The following CRB1 variants were observed in gnomAD, a reference collection of about 807,000 sequenced individuals.
CRB1 encodes crumbs cell polarity complex component 1.
CRB1 carries 83 observed loss-of-function variants against 120.0 expected under a neutral mutation model. That is an observed-to-expected ratio of 0.69 (90% CI 0.58 to 0.83). The LOEUF (loss-of-function observed/expected upper bound fraction) is 0.83, where lower values mean the gene tolerates loss of function less well. Among genes scored for constraint, CRB1 ranks in the 40% least tolerant of loss-of-function variants. The pLI is 0.00. For missense variants in CRB1, 1,699 were observed against 1,687.6 expected, an observed-to-expected ratio of 1.01 and a Z score of -0.12; for synonymous variants, 625 against 612.5, an observed-to-expected ratio of 1.02 and a Z score of -0.30.
chr1:197,403,324 T>A (rs900709657), intron 5 of CRB1, among the ~76,000 whole-genome samples: 2 of 152,238 alleles, frequency 1.3e-5, no homozygotes, highest in African/African-American at 4.8e-5. Flanking sequence ...TAGAGGAGGC[T>A]GACTTCATTC....
chr1:197,254,585 G>T, the CRB1 span, among the ~76,000 whole-genome samples: 4 of 151,988 alleles, frequency 2.6e-5, no homozygotes, highest in African/African-American at 9.7e-5. Flanking sequence ...AAGCAAAAAA[G>T]CTTCAGCTGT....
intron 8 of CRB1, among the ~76,000 whole-genome samples, chr1:197,431,064 T>C (rs1664846816): frequency 6.7e-6 from 1 of 148,692 alleles, no homozygotes; most frequent in Non-Finnish European, 1.5e-5. Context: ...AGACCCTGTC[T>C]CAAAAAAAAA....
intron 1 of CRB1, among the ~76,000 whole-genome samples, chr1:197,273,953 G>C (rs1481829207): frequency 6.6e-6 from 1 of 151,972 alleles, no homozygotes; most frequent in African/African-American, 2.4e-5. Flanking sequence ...TGCTGCTGGG[G>C]TGTCAGGTCT....
intron 4 of CRB1, among the ~76,000 whole-genome samples, chr1:197,350,446 G>A (rs144901716): frequency 2.0e-5 from 3 of 152,314 alleles, no homozygotes; most frequent in Non-Finnish European, 2.9e-5. Context: ...GTAGGAGGGC[G>A]AGAGTTTGTA....
intron 11 of CRB1, chr1:197,444,049 T>C (rs927030796): frequency 6.6e-6 from 1 of 152,222 alleles, no homozygotes; most frequent in Non-Finnish European, 1.5e-5. Flanking sequence ...GAGGACAGTT[T>C]ATCCATTGGA....
the CRB1 span, among the ~76,000 whole-genome samples, chr1:197,208,879 G>C: frequency 6.6e-6 from 1 of 152,148 alleles, no homozygotes; most frequent in South Asian, 2.1e-4. Context: ...TCTGAGCTCA[G>C]ACTCTCCTTG....
At chr1:197,237,925 G>C in the CRB1 span, among the ~76,000 whole-genome samples, 1 of 151,936 alleles carries the variant, frequency 6.6e-6, no homozygotes, top group Non-Finnish European at 1.5e-5. Flanking sequence ...CTAGGTTCTT[G>C]AGACAGTAGC....
the CRB1 span, among the ~76,000 whole-genome samples, chr1:197,229,181 T>C: frequency 6.6e-6 from 1 of 152,168 alleles, no homozygotes; most frequent in African/African-American, 2.4e-5. Context: ...ATAGGTGTTA[T>C]GTGTGCCACC....
At chr1:197,244,375 C>T in the CRB1 span, among the ~76,000 whole-genome samples, 15 of 151,794 alleles carry the variant, frequency 9.9e-5, no homozygotes, top group Admixed American at 9.9e-4. Flanking sequence ...AAATTATCTT[C>T]ATTTTTCCTT....
intron 5 of CRB1, chr1:197,358,268 T>G (rs1660589900): frequency 6.6e-6 from 1 of 152,234 alleles, no homozygotes; most frequent in Non-Finnish European, 1.5e-5. Flanking sequence ...GTATGCATTT[T>G]CGTCAGCTAC....
In CRB1 at chr1:197,338,713, A is replaced by T. The variant is rs1659289701; in HGVS notation, c.653-5568A>T. On this transcript the variant is annotated intron_variant, in intron 2 of 11. Coordinates refer to ENST00000367400, the MANE Select transcript of CRB1 (RefSeq NM_201253.3). ...TCTAGCAGTAAAGCAAAACTTGTAG[A>T]AACAAAAAGGATTATAATAGTCACA... Among the ~76,000 whole-genome samples the T allele has an allele frequency of 1.3e-5, 2 of 152,358 alleles. 1 individual carries two copies. The highest frequency in any genetic ancestry group is 4.1e-4 in the South Asian group (2 of 4,834).
At chr1:197,439,101 G>C (rs988746409) in intron 10 of CRB1, 9 of 170,938 alleles carry the variant, frequency 5.3e-5, no homozygotes, top group Non-Finnish European at 1.0e-4. Flanking sequence ...ACTTTTCCCA[G>C]AGAAACTCTT....
intron 8 of CRB1, among the ~76,000 whole-genome samples, chr1:197,431,768 A>G (rs187040979): frequency 1.8e-4 from 28 of 152,342 alleles, no homozygotes; most frequent in African/African-American, 6.3e-4. Context: ...AAGTCCCAGT[A>G]GCATTTTTTA....
At chr1:197,414,905 A>T (rs1663895918) in intron 5 of CRB1, among the ~76,000 whole-genome samples, 1 of 152,216 alleles carries the variant, frequency 6.6e-6, no homozygotes, top group African/African-American at 2.4e-5. Flanking sequence ...GTGAAGTAAA[A>T]GCATAAATCG....
the CRB1 span, among the ~76,000 whole-genome samples, chr1:197,236,044 A>T: frequency 4.6e-5 from 7 of 152,050 alleles, no homozygotes; most frequent in South Asian, 1.5e-3. Context: ...TGGAATTCTT[A>T]ATCTGATGGT....
the CRB1 span, among the ~76,000 whole-genome samples, chr1:197,245,754 A>G: frequency 2.0e-5 from 3 of 152,056 alleles, no homozygotes; most frequent in Non-Finnish European, 4.4e-5. Context: ...CTGCTCCAGC[A>G]TGGGAAAGGG....
intron 1 of CRB1, among the ~76,000 whole-genome samples, chr1:197,283,076 A>G (rs892729769): frequency 6.6e-6 from 1 of 151,678 alleles, no homozygotes; most frequent in Non-Finnish European, 1.5e-5. Context: ...CTTAGTCAAA[A>G]GGTCATTTTT....
chr1:197,354,825 ACCCCCCCCCCCCGCCCACCCCCC>A (rs1660361790), intron 4 of CRB1, among the ~76,000 whole-genome samples: 3 of 14,212 alleles, frequency 2.1e-4, no homozygotes, highest in African/African-American at 8.7e-4. Context: ...CCGCCCCCCC[ACCCCCCCCCCCCGCCCACCCCCC>A]CCCCCCCGCC....
rs1241106990 is a variant in CRB1 at position 197,477,853 on chromosome 1, C to A, written c.4195C>A (p.Pro1399Thr). ...SRVEMWNLMP[P>T]PAMERLI ...AGTGGAAATGTGGAACTTGATGCCA[C>A]CCCCTGCAATGGAGAGACTGATTTA... Residue 1399 changes from proline (P) to threonine (T), a missense_variant, in exon 12 of 12, where the codon CCC (proline) becomes ACC (threonine). Pro to Thr is a conservative substitution (Grantham distance 38). Transcript: ENST00000367400. 2 of 1,613,796 alleles carry A rather than the reference C, an allele frequency of 1.2e-6. No homozygotes were observed. The highest frequency in any genetic ancestry group is 4.5e-5 in the East Asian group (2 of 44,874).
Sources: allele counts gnomAD v4.1 joint callset (sites outside exome capture counted in the v4.1 genomes callset), GRCh38; gene constraint gnomAD v4.1.1; transcripts MANE v1.5; gene names NCBI Gene and HGNC (gene_info 2026-07-23, HGNC 2026-07-21).